Variants in XIRP2 observed in about 807,000 individuals in gnomAD.
The protein encoded by XIRP2 is xin actin-binding repeat-containing protein 2.
Under a neutral mutation model 277.0 loss-of-function variants are expected in XIRP2, and 236 were observed. The ratio of observed to expected loss-of-function variants is 0.85; its 90% CI spans 0.77 to 0.95. The LOEUF (loss-of-function observed/expected upper bound fraction) is 0.95, where lower values mean the gene tolerates loss of function less well. Ranked by LOEUF, XIRP2 falls within the 40% of genes least tolerant of loss-of-function variation. XIRP2 has a pLI of 0.00. For synonymous variants in XIRP2, 1,490 were observed against 1,416.5 expected (o/e 1.05, Z -1.17); for missense variants, 4,640 against 4,157.5 (o/e 1.12, Z -3.19).
intron 2 of XIRP2, among the ~76,000 whole-genome samples, chr2:166,933,608 T>A (rs894137918): frequency 2.6e-5 from 4 of 152,058 alleles, no homozygotes; most frequent in African/African-American, 9.7e-5. Flanking sequence ...ATAAGTTTAA[T>A]TCATTCCAAT....
intron 5 of XIRP2, among the ~76,000 whole-genome samples, chr2:167,230,478 A>G (rs1694719045): frequency 6.6e-6 from 1 of 152,046 alleles, no homozygotes; most frequent in African/African-American, 2.4e-5. Context: ...GGATTATGAT[A>G]ATAAGAAATA....
chr2:167,025,035 G>C, intron 2 of XIRP2, among the ~76,000 whole-genome samples: 1 of 152,074 alleles, frequency 6.6e-6, no homozygotes, highest in Non-Finnish European at 1.5e-5. Context: ...AATGGTACCA[G>C]TTCCTCCTTG....
intron 2 of XIRP2, among the ~76,000 whole-genome samples, chr2:167,132,511 T>TACACAC (rs35636231): frequency 0.021 from 3,032 of 146,296 alleles, 77 homozygotes; most frequent in African/African-American, 0.062. Flanking sequence ...TGCATGTGTA[T>TACACAC]ACACACACAC....
intron 2 of XIRP2, among the ~76,000 whole-genome samples, chr2:167,060,235 TATGAAATAGGGTTAC>T (rs1286929790): frequency 1.3e-5 from 2 of 152,206 alleles, no homozygotes; most frequent in Admixed American, 6.5e-5. Flanking sequence ...ACCCTTTATG[TATGAAATAGGGTTAC>T]ATGAGATAGG....
intron 3 of XIRP2, among the ~76,000 whole-genome samples, chr2:167,150,982 A>G (rs1017985717): frequency 6.6e-6 from 1 of 152,128 alleles, no homozygotes; most frequent in Non-Finnish European, 1.5e-5. Context: ...AAGTTTAAAA[A>G]TATTAGTGAA....
chr2:167,253,901 A>T lies in XIRP2; in HGVS notation c.10556-131A>T, dbSNP rs1695585718. 43 of 1,023,300 alleles carry T rather than the reference A, an allele frequency of 4.2e-5. No homozygotes were observed. The South Asian group carries it at 8.5e-4, about 20-fold the overall frequency. The allele number at this position is 1,023,300 out of a possible 1,614,324, so 63.4% of individuals were successfully genotyped here. A position where few individuals can be genotyped will look rare whatever the true frequency, so the allele number is the denominator to read the frequency against. ...GTTAGTCTCTGTCCAGAGAAACATC[A>T]TAAGGACAGTAGTCTTAGAGCTTTT... On this transcript the variant is annotated intron_variant, in intron 9 of 10. Transcript: ENST00000409195.
chr2:167,084,249 A>G (rs1459058085), intron 2 of XIRP2, among the ~76,000 whole-genome samples: 1 of 152,064 alleles, frequency 6.6e-6, no homozygotes, highest in Non-Finnish European at 1.5e-5. Flanking sequence ...ACATTTATTG[A>G]TTTGCGTATA....
chr2:167,118,528 A>ATAAAT (rs1690961984), intron 2 of XIRP2, among the ~76,000 whole-genome samples: 1 of 151,070 alleles, frequency 6.6e-6, no homozygotes, highest in Non-Finnish European at 1.5e-5. Flanking sequence ...ATAAAATAAA[A>ATAAAT]TAAAATAGCT....
At chr2:167,225,628 T>C (rs1412427702) in intron 5 of XIRP2, among the ~76,000 whole-genome samples, 1 of 152,060 alleles carries the variant, frequency 6.6e-6, no homozygotes, top group Non-Finnish European at 1.5e-5. Context: ...TCATGAACCT[T>C]CCACAGGCTG....
In XIRP2 at chr2:167,026,307, G is replaced by A. The variant is rs185940012; in HGVS notation, c.409-109602G>A. Among the ~76,000 whole-genome samples, 177 of 152,042 alleles carry A rather than the reference G, an allele frequency of 1.2e-3. 2 individuals carry two copies. The East Asian group carries it at 0.032, about 28-fold the overall frequency. On this transcript the variant is annotated intron_variant, in intron 2 of 10. Coordinates refer to ENST00000409195, the MANE Select transcript of XIRP2 (RefSeq NM_152381.6). ...GCCTTTTTTTGTTTTCCATTTGCTT[G>A]GTAGATCTTCCTCCATCCTTTTATT... is the stretch of plus-strand genomic sequence containing the variant.
intron 3 of XIRP2, among the ~76,000 whole-genome samples, chr2:167,146,549 A>C (rs1037977581): frequency 2.0e-5 from 3 of 152,058 alleles, no homozygotes; most frequent in Non-Finnish European, 2.9e-5. Context: ...AGAGAATAGA[A>C]TATAAAGCAG....
chr2:166,945,790 G>C (rs941852663), intron 2 of XIRP2, among the ~76,000 whole-genome samples: 7 of 147,658 alleles, frequency 4.7e-5, no homozygotes, highest in Non-Finnish European at 8.9e-5. Flanking sequence ...TCCTGCCTCA[G>C]CCTCCCAAGT....
chr2:166,909,901 T>G (rs1684650490), intron 2 of XIRP2, among the ~76,000 whole-genome samples: 14 of 152,238 alleles, frequency 9.2e-5, no homozygotes, highest in Admixed American at 9.2e-4. Context: ...TCTGTTTATA[T>G]GCTGGATTAC....
In XIRP2 at chr2:167,246,032, T is replaced by A; in HGVS notation, c.4640T>A (p.Ile1547Asn). The change falls in exon 9 of 11, where the codon ATT becomes AAT. Residue 1547 changes from isoleucine to asparagine, a missense_variant. Transcript: ENST00000409195. The stretch of plus-strand genomic sequence containing the variant: ...GAAACTAGAGTAGAAAAGATAGAAA[T>A]TATTGGCAAGAGCATTAAAGAAACC... Reference protein sequence around the residue: ...FNETRVEKIEIIGKSIKETLE... With the variant: ...FNETRVEKIENIGKSIKETLE... 1 of 1,613,316 alleles carries A rather than the reference T, an allele frequency of 6.2e-7. No homozygotes were observed. Among genetic ancestry groups the A allele is most frequent in the Non-Finnish European group, 8.5e-7 (1 of 1,179,714 alleles).
At chr2:167,036,166 A>C (rs996512398) in intron 2 of XIRP2, among the ~76,000 whole-genome samples, 1 of 152,184 alleles carries the variant, frequency 6.6e-6, no homozygotes, top group African/African-American at 2.4e-5. Flanking sequence ...GAGCCCCCAT[A>C]CAGAGTCCCT....
At chr2:167,010,594 C>T (rs1279260692) in intron 2 of XIRP2, among the ~76,000 whole-genome samples, 2 of 151,950 alleles carry the variant, frequency 1.3e-5, no homozygotes, top group Non-Finnish European at 2.9e-5. Context: ...TAGTTTTTTC[C>T]AATTCTGTGA....
At chr2:167,176,694 G>C (rs1457447710) in intron 3 of XIRP2, among the ~76,000 whole-genome samples, 1 of 152,110 alleles carries the variant, frequency 6.6e-6, no homozygotes, top group Non-Finnish European at 1.5e-5. Context: ...TGTTAGTGTG[G>C]GGTAAGTCAA....
At chr2:166,955,255 C>T (rs1043313941) in intron 2 of XIRP2, among the ~76,000 whole-genome samples, 7 of 151,768 alleles carry the variant, frequency 4.6e-5, no homozygotes, top group African/African-American at 1.5e-4. Context: ...ATTACTGACT[C>T]GTGCTATGAT....
At chr2:167,029,667 C>T (rs1688276443) in intron 2 of XIRP2, among the ~76,000 whole-genome samples, 1 of 152,130 alleles carries the variant, frequency 6.6e-6, no homozygotes, top group East Asian at 1.9e-4. Flanking sequence ...GTGAAATTTT[C>T]TTTTGTTGTT....
Sources: allele counts gnomAD v4.1 joint callset (sites outside exome capture counted in the v4.1 genomes callset), GRCh38; gene constraint gnomAD v4.1.1; transcripts MANE v1.5; gene names NCBI Gene and HGNC (gene_info 2026-07-23, HGNC 2026-07-21).